The following SLC24A3 variants were observed in gnomAD, a reference collection of about 807,000 sequenced individuals.
SLC24A3 encodes the protein sodium/potassium/calcium exchanger 3.
SLC24A3 carries 28 observed loss-of-function variants against 75.8 expected under a neutral mutation model. The ratio of observed to expected loss-of-function variants is 0.37; its 90% CI spans 0.27 to 0.51. SLC24A3 has a LOEUF of 0.51. Ranked by LOEUF, SLC24A3 falls within the 20% of genes least tolerant of loss-of-function variation. SLC24A3 has a pLI of 0.94. For missense variants in SLC24A3, 663 were observed against 847.8 expected (o/e 0.78, Z 2.71); for synonymous variants, 372 against 334.1 (o/e 1.11, Z -1.24).
At chr20:19,712,998 T>C (rs2033006857) in intron 15 of SLC24A3, among the ~76,000 whole-genome samples, 1 of 152,228 alleles carries the variant, frequency 6.6e-6, no homozygotes, top group Non-Finnish European at 1.5e-5. Flanking sequence ...CTTTCTGGAA[T>C]GACAGAAGTG....
At chr20:19,364,896 C>G (rs1000492898) in intron 2 of SLC24A3, among the ~76,000 whole-genome samples, 1 of 152,024 alleles carries the variant, frequency 6.6e-6, no homozygotes. Context: ...AAAGTAGGCA[C>G]GGAGGAGCAG....
At chr20:19,392,707 G>T (rs1015383426) in intron 2 of SLC24A3, among the ~76,000 whole-genome samples, 1 of 152,200 alleles carries the variant, frequency 6.6e-6, no homozygotes, top group African/African-American at 2.4e-5. Flanking sequence ...CTGGATGACA[G>T]CATTAAGCCA....
At chr20:19,437,891 T>C (rs1987233209) in intron 2 of SLC24A3, among the ~76,000 whole-genome samples, 1 of 152,120 alleles carries the variant, frequency 6.6e-6, no homozygotes, top group Non-Finnish European at 1.5e-5. Context: ...TTCCAGAAAA[T>C]TCCCCACCAC....
intron 2 of SLC24A3, among the ~76,000 whole-genome samples, chr20:19,395,339 T>G (rs181384044): frequency 6.6e-6 from 1 of 152,366 alleles, no homozygotes; most frequent in East Asian, 1.9e-4. Flanking sequence ...TTATGTCATA[T>G]GCATTTTATC....
chr20:19,410,905 A>G (rs1986732491), intron 2 of SLC24A3, among the ~76,000 whole-genome samples: 1 of 152,234 alleles, frequency 6.6e-6, no homozygotes, highest in Non-Finnish European at 1.5e-5. Flanking sequence ...CAGTGGGCTC[A>G]CATTCAGTTG....
intron 15 of SLC24A3, among the ~76,000 whole-genome samples, chr20:19,714,173 CT>C (rs1220089337): frequency 1.3e-5 from 2 of 152,090 alleles, no homozygotes; most frequent in African/African-American, 4.8e-5. Flanking sequence ...GAGGCCAATG[CT>C]GGAGGATTGC....
intron 2 of SLC24A3, among the ~76,000 whole-genome samples, chr20:19,362,850 G>T (rs1008657013): frequency 3.9e-5 from 6 of 152,174 alleles, no homozygotes; most frequent in African/African-American, 1.4e-4. Flanking sequence ...AAATAAGGTT[G>T]CCTTATGCTT....
intron 3 of SLC24A3, among the ~76,000 whole-genome samples, chr20:19,561,921 T>C (rs1407083524): frequency 1.3e-5 from 2 of 152,192 alleles, no homozygotes; most frequent in Non-Finnish European, 2.9e-5. Context: ...TATTTACATC[T>C]GGGCAGAGCA....
chr20:19,495,508 C>T lies in SLC24A3; in HGVS notation c.272-19980C>T, dbSNP rs556140915. Among the ~76,000 whole-genome samples, 8 of 152,296 alleles carry T rather than the reference C, an allele frequency of 5.3e-5. No homozygotes were observed. The South Asian group carries it at 1.2e-3, about 24-fold the overall frequency. ...GAGCATCGCCAGCTGTGGATGTAGC[C>T]GCTCAGCTATTCATCCAGGCTTGTT... On this transcript the variant is annotated intron_variant, in intron 2 of 16. Coordinates refer to ENST00000328041, the MANE Select transcript of SLC24A3 (RefSeq NM_020689.4).
intron 2 of SLC24A3, among the ~76,000 whole-genome samples, chr20:19,391,443 T>C (rs946506539): frequency 2.0e-5 from 3 of 152,172 alleles, no homozygotes; most frequent in Non-Finnish European, 4.4e-5. Flanking sequence ...ATCCTGTAGC[T>C]CAGTTTTTCT....
intron 3 of SLC24A3, among the ~76,000 whole-genome samples, chr20:19,533,301 G>A (rs534985991): frequency 6.6e-6 from 1 of 152,158 alleles, no homozygotes; most frequent in South Asian, 2.1e-4. Context: ...AGGCTGAATG[G>A]TTTACGCAGA....
At chr20:19,387,188 A>C (rs899356889) in intron 2 of SLC24A3, among the ~76,000 whole-genome samples, 1 of 151,764 alleles carries the variant, frequency 6.6e-6, no homozygotes, top group African/African-American at 2.4e-5. Flanking sequence ...ATCTATTGTA[A>C]TGTTTCCTCT....
intron 2 of SLC24A3, among the ~76,000 whole-genome samples, chr20:19,297,686 T>C (rs1443636573): frequency 6.6e-6 from 1 of 152,250 alleles, no homozygotes; most frequent in African/African-American, 2.4e-5. Context: ...AGGTAAATGT[T>C]AATTTGTTGC....
At chr20:19,679,504 A>AGAGGGAGACCGTGGGGT in intron 9 of SLC24A3, among the ~76,000 whole-genome samples, 1 of 148,136 alleles carries the variant, frequency 6.8e-6, no homozygotes, top group East Asian at 2.0e-4. Context: ...AAAGAGACGG[A>AGAGGGAGACCGTGGGGT]GAGGGAGACC....
intron 2 of SLC24A3, among the ~76,000 whole-genome samples, chr20:19,286,977 A>G (rs948606919): frequency 1.3e-5 from 2 of 152,228 alleles, no homozygotes; most frequent in African/African-American, 2.4e-5. Context: ...TAATGATTCA[A>G]ATCACAGCTG....
At chr20:19,298,207 T>A (rs778024028) in intron 2 of SLC24A3, among the ~76,000 whole-genome samples, 5 of 152,242 alleles carry the variant, frequency 3.3e-5, no homozygotes, top group Non-Finnish European at 7.3e-5. Flanking sequence ...GATGTAGGGA[T>A]ACAAGGCCCC....
chr20:19,335,025 T>C (rs1014976993), intron 2 of SLC24A3, among the ~76,000 whole-genome samples: 1 of 152,228 alleles, frequency 6.6e-6, no homozygotes, highest in African/African-American at 2.4e-5. Context: ...TCTTTGATGA[T>C]GGACATATTC....
intron 2 of SLC24A3, among the ~76,000 whole-genome samples, chr20:19,337,641 T>C (rs1985166468): frequency 6.6e-6 from 1 of 152,156 alleles, no homozygotes; most frequent in Admixed American, 6.5e-5. Context: ...TGTTATCAGT[T>C]AGCTACAGCT....
At chr20:19,714,563 G>A (rs1329789419) in intron 15 of SLC24A3, among the ~76,000 whole-genome samples, 2 of 152,164 alleles carry the variant, frequency 1.3e-5, no homozygotes, top group Non-Finnish European at 2.9e-5. Context: ...GGAAGTACAA[G>A]GGTCAGACAG....
Sources: gnomAD v4.1 joint callset for allele counts (sites outside exome capture counted in the v4.1 genomes callset) on GRCh38, gnomAD v4.1.1 for gene constraint, MANE v1.5 for transcripts, NCBI Gene and HGNC (gene_info 2026-07-23, HGNC 2026-07-21) for gene names.